The following TAF1B variants were observed in gnomAD, a reference collection of about 807,000 sequenced individuals.
The protein encoded by TAF1B is TATA-box binding protein associated factor, RNA polymerase I subunit B, also known as TATA box-binding protein-associated factor RNA polymerase I subunit B.
TAF1B carries 61 observed loss-of-function variants against 83.9 expected under a neutral mutation model. The ratio of observed to expected loss-of-function variants is 0.73; its 90% CI spans 0.59 to 0.90. The LOEUF (loss-of-function observed/expected upper bound fraction) is 0.90, where lower values mean the gene tolerates loss of function less well. TAF1B is among the 40% of genes least tolerant of loss of function. TAF1B has a pLI of 0.00. For missense variants in TAF1B, 625 were observed against 677.0 expected, an observed-to-expected ratio of 0.92 and a Z score of 0.85; for synonymous variants, 221 against 224.6, an observed-to-expected ratio of 0.98 and a Z score of 0.14.
intron 2 of TAF1B, 26 bp downstream of exon 2, chr2:9,845,344 T>C: frequency 6.3e-7 from 1 of 1,596,362 alleles, no homozygotes; most frequent in Non-Finnish European, 8.6e-7. Context: ...CATTTATGAA[T>C]TTGCTTATGT....
intron 5 of TAF1B, among the ~76,000 whole-genome samples, chr2:9,860,215 A>G (rs1260521276): frequency 1.3e-5 from 2 of 152,216 alleles, no homozygotes; most frequent in African/African-American, 4.8e-5. Context: ...GGGTGGGGAC[A>G]CAGAGCCAAA....
At chr2:9,883,221 T>TA (rs1215499954) in intron 8 of TAF1B, among the ~76,000 whole-genome samples, 1 of 152,238 alleles carries the variant, frequency 6.6e-6, no homozygotes, top group Non-Finnish European at 1.5e-5. Flanking sequence ...GTTCTTCACT[T>TA]ATGTTAGTTT....
At position 9,843,507 on chromosome 2, in the gene TAF1B, C is replaced by T. The variant is rs561638306; in HGVS notation, c.-35C>T. On this transcript the variant is annotated 5_prime_UTR_variant, in exon 1 of 15. It adds an upstream start codon to the 5' untranslated region. Transcript: ENST00000263663. ...GAAGCTGCGCTCGCTACCCGGGTAA[C>T]GGGTCCCGGCTGTGGAAGCTCCCGC... 52 of 1,519,924 alleles carry T rather than the reference C, an allele frequency of 3.4e-5. No individual in the cohort carries two copies. Among genetic ancestry groups the T allele is most frequent in the South Asian group, 2.1e-4 (17 of 82,018 alleles). The allele number at this position is 1,519,924 out of a possible 1,614,324, so 94.2% of individuals were successfully genotyped here.
chr2:9,864,511 T>C (rs1336345130), intron 5 of TAF1B, among the ~76,000 whole-genome samples: 1 of 151,868 alleles, frequency 6.6e-6, no homozygotes, highest in African/African-American at 2.4e-5. Flanking sequence ...ACCAGAGGTA[T>C]AAGGAGGAGC....
intron 5 of TAF1B, among the ~76,000 whole-genome samples, chr2:9,861,317 G>C (rs1663747696): frequency 6.6e-6 from 1 of 152,274 alleles, no homozygotes; most frequent in Admixed American, 6.5e-5. Context: ...ACCTGGCTTG[G>C]AGGGTGCTAT....
At chr2:9,876,787 C>T (rs1281958392) in intron 7 of TAF1B, among the ~76,000 whole-genome samples, 4 of 152,118 alleles carry the variant, frequency 2.6e-5, no homozygotes, top group Non-Finnish European at 5.9e-5. Flanking sequence ...TTTGTTTCTT[C>T]GTTGGTAAAA....
intron 9 of TAF1B, among the ~76,000 whole-genome samples, chr2:9,909,664 G>A (rs575044630): frequency 3.3e-5 from 5 of 152,306 alleles, no homozygotes; most frequent in South Asian, 2.1e-4. Context: ...CAACAGTGAC[G>A]GGAAGAAAGG....
At chr2:9,884,252 C>A (rs1421465489) in intron 8 of TAF1B, among the ~76,000 whole-genome samples, 1 of 152,172 alleles carries the variant, frequency 6.6e-6, no homozygotes, top group Non-Finnish European at 1.5e-5. Flanking sequence ...ATGCCAGGAA[C>A]CACAGGGCCT....
intron 9 of TAF1B, among the ~76,000 whole-genome samples, chr2:9,909,372 G>A (rs6707887): frequency 0.43 from 65,227 of 152,088 alleles, 15,117 homozygotes; most frequent in African/African-American, 0.6. Flanking sequence ...TCTTAGAGGA[G>A]GTCACTGGTA....
intron 8 of TAF1B, among the ~76,000 whole-genome samples, chr2:9,896,196 C>G (rs887289061): frequency 3.9e-5 from 6 of 152,122 alleles, no homozygotes; most frequent in African/African-American, 1.4e-4. Flanking sequence ...AATGTCCACA[C>G]TCCCTCCCTG....
At chr2:9,863,678 A>AT (rs1194311319) in intron 5 of TAF1B, among the ~76,000 whole-genome samples, 1 of 152,224 alleles carries the variant, frequency 6.6e-6, no homozygotes, top group Non-Finnish European at 1.5e-5. Flanking sequence ...CTATTCCAAA[A>AT]TTGACCACAT....
At chr2:9,922,810 T>C (rs1333498214) in intron 14 of TAF1B, among the ~76,000 whole-genome samples, 4 of 152,192 alleles carry the variant, frequency 2.6e-5, no homozygotes, top group African/African-American at 9.7e-5. Flanking sequence ...ATTTATTGAA[T>C]GAATGAATGG....
rs934997412 is a variant in TAF1B at position 9,884,421 on chromosome 2, C to T, written c.807+1616C>T. Among the ~76,000 whole-genome samples the T allele has an allele frequency of 8.5e-5, 13 of 152,156 alleles. No homozygotes were observed. The East Asian group carries it at 2.1e-3, about 25-fold the overall frequency. The stretch of plus-strand genomic sequence containing the variant: ...ACTGTTTTAGCCTTGCCATTCTGTG[C>T]GTCCTGAGTTCGTGTCCTGCAACCA... On this transcript the variant is annotated intron_variant, in intron 8 of 14. Transcript: ENST00000263663.
At chr2:9,926,696 G>A (rs968995589) in intron 14 of TAF1B, among the ~76,000 whole-genome samples, 2 of 151,680 alleles carry the variant, frequency 1.3e-5, no homozygotes, top group Admixed American at 6.6e-5. Flanking sequence ...AAAATTAGCC[G>A]GGCATGGTGG....
chr2:9,875,643 A>G (rs192532508), intron 6 of TAF1B, among the ~76,000 whole-genome samples: 4 of 152,274 alleles, frequency 2.6e-5, no homozygotes, highest in African/African-American at 4.8e-5. Context: ...CACTCTCATG[A>G]GAACAGCATG....
chr2:9,843,580 G>C (rs757204664), intron 1 of TAF1B, 21 bp downstream of exon 1: 362 of 1,509,434 alleles, frequency 2.4e-4, no homozygotes, highest in Non-Finnish European at 3.1e-4. Flanking sequence ...GGTGCACCTG[G>C]CGGGCCACGA....
At chr2:9,918,567 C>T (rs1448322126) in intron 12 of TAF1B, among the ~76,000 whole-genome samples, 2 of 152,112 alleles carry the variant, frequency 1.3e-5, no homozygotes, top group African/African-American at 4.8e-5. Context: ...TCCTTTACAC[C>T]AGGAATAGAA....
chr2:9,857,985 A>G (rs958511633), intron 5 of TAF1B, among the ~76,000 whole-genome samples: 12 of 152,288 alleles, frequency 7.9e-5, no homozygotes, highest in Non-Finnish European at 8.8e-5. Flanking sequence ...TGTCCTTCTC[A>G]CATTGCAAAA....
At chr2:9,865,157 T>C (rs899302476) in intron 5 of TAF1B, among the ~76,000 whole-genome samples, 16 of 152,188 alleles carry the variant, frequency 1.1e-4, no homozygotes, top group Non-Finnish European at 2.2e-4. Flanking sequence ...ATTGTCCCTG[T>C]TTGCAGATGA....
Sources: allele counts gnomAD v4.1 joint callset (sites outside exome capture counted in the v4.1 genomes callset), GRCh38; gene constraint gnomAD v4.1.1; transcripts MANE v1.5; gene names NCBI Gene and HGNC (gene_info 2026-07-23, HGNC 2026-07-21).